Variants in ARRDC4 observed in about 807,000 individuals in gnomAD.
The protein encoded by ARRDC4 is arrestin domain-containing protein 4.
A neutral mutation model predicts 44.6 loss-of-function variants in ARRDC4; 40 were observed. The observed-to-expected ratio is 0.90, with a 90% confidence interval of 0.70 to 1.17. The LOEUF (loss-of-function observed/expected upper bound fraction) is 1.17, where lower values mean the gene tolerates loss of function less well. Ranked by LOEUF, ARRDC4 falls within the 50% of genes most tolerant of loss-of-function variation. The probability of loss-of-function intolerance (pLI) is 0.00; values close to 1 mark genes in which losing one functional copy is unlikely to be tolerated. For synonymous variants in ARRDC4, 211 were observed against 221.2 expected, an observed-to-expected ratio of 0.95 and a Z score of 0.41; for missense variants, 550 against 559.1, an observed-to-expected ratio of 0.98 and a Z score of 0.16.
rs749097485 is a variant in ARRDC4 at position 97,967,977 on chromosome 15, C to T, written c.523-37C>T. 2.1e-6 allele frequency: 3 copies of T among 1,400,284 alleles called. No individual in the cohort carries two copies. The highest frequency in any genetic ancestry group is 3.0e-6 in the Non-Finnish European group (3 of 1,007,340). The allele number at this position is 1,400,284 out of a possible 1,614,324, so 86.7% of individuals were successfully genotyped here. ...AAGTTCTATGAGTTCTCTAGAGTGGCTTAATTAAGGTTGTTTTATTGTTTG... is the reference window on the plus strand; with the variant it reads ...AAGTTCTATGAGTTCTCTAGAGTGGTTTAATTAAGGTTGTTTTATTGTTTG... On this transcript the variant is annotated intron_variant, in intron 3 of 7. Coordinates refer to ENST00000268042, the MANE Select transcript of ARRDC4 (RefSeq NM_183376.3). This position sits in a 1 kb window ranked among gnomAD's most constrained non-coding sequence, Gnocchi z 5.0.
At position 97,968,407 on chromosome 15, in the gene ARRDC4, G is replaced by C. The variant is rs1223578716; in HGVS notation, c.625+291G>C. Among the ~76,000 whole-genome samples, 2 of 152,128 alleles carry C rather than the reference G, an allele frequency of 1.3e-5. No individual in the cohort carries two copies. The highest frequency in any genetic ancestry group is 2.9e-5 in the Non-Finnish European group (2 of 68,004). ...AGCATCTGATTTTAATGTTGCAAAA[G>C]AATCTCCAGGGTTGTATTGCTAAAA... On this transcript the variant is annotated intron_variant, in intron 4 of 7. Transcript: ENST00000268042. This position sits in a 1 kb window ranked among gnomAD's most constrained non-coding sequence, Gnocchi z 5.4.
intron 1 of ARRDC4, among the ~76,000 whole-genome samples, chr15:97,962,457 C>T (rs1363545754): frequency 6.6e-6 from 1 of 152,170 alleles, no homozygotes; most frequent in Admixed American, 6.5e-5. Context: ...GTGAGACATA[C>T]ATTGATTTTT....
intron 1 of ARRDC4, among the ~76,000 whole-genome samples, chr15:97,963,734 A>T (rs1243658166): frequency 6.6e-6 from 1 of 152,206 alleles, no homozygotes; most frequent in African/African-American, 2.4e-5. Context: ...TTTGAGGATT[A>T]TCTGCGGTGC....
In ARRDC4 at chr15:97,960,738, A is replaced by C; in HGVS notation, c.-124A>C. 1.2e-6 allele frequency: 1 copy of C among 846,234 alleles called. No homozygotes were observed. The highest frequency in any genetic ancestry group is 1.6e-6 in the Non-Finnish European group (1 of 634,682). 52.4% of individuals were successfully genotyped at this position (846,234 alleles called of 1,614,324 possible). A position where few individuals can be genotyped will look rare whatever the true frequency, so the allele number is the denominator to read the frequency against. On this transcript the variant is annotated 5_prime_UTR_variant, in exon 1 of 8. Coordinates refer to ENST00000268042, the MANE Select transcript of ARRDC4 (RefSeq NM_183376.3). Reference sequence around the variant, plus strand: ...TCGGCGAGCCGGTGCCCCATCGGGTACCGCACGGCTGCCGCGGCGGCCTTA... The same window carrying C: ...TCGGCGAGCCGGTGCCCCATCGGGTCCCGCACGGCTGCCGCGGCGGCCTTA...
Position 97,960,881 on chromosome 15 carries a change from G to A in ARRDC4, c.20G>A (p.Cys7Tyr), listed in dbSNP as rs1164040295. Residue 7 changes from cysteine to tyrosine, a missense_variant, in exon 1 of 8, where the codon TGC becomes TAC. Physicochemically the swap from Cys to Tyr is radical, Grantham distance 194. Coordinates refer to ENST00000268042, the MANE Select transcript of ARRDC4 (RefSeq NM_183376.3). Reference sequence around the variant, plus strand: ...GGCGGGATGGGCGGGGAGGCTGGGTGCGCGGCGGCCGTGGGTGCCGAGGGC... The same window carrying A: ...GGCGGGATGGGCGGGGAGGCTGGGTACGCGGCGGCCGTGGGTGCCGAGGGC... MGGEAGCAAAVGAEGRV... is the reference protein window; with the variant it reads MGGEAGYAAAVGAEGRV... The A allele has an allele frequency of 1.4e-6, 2 of 1,389,754 alleles. No individual in the cohort carries two copies. The highest frequency in any genetic ancestry group is 1.6e-5 in the South Asian group (1 of 62,274). The allele number at this position is 1,389,754 out of a possible 1,614,324, so 86.1% of individuals were successfully genotyped here.
chr15:97,960,927 G>T lies in ARRDC4; in HGVS notation c.66G>T (p.Leu22=). 6.8e-7 allele frequency: 1 copy of T among 1,463,716 alleles called. No homozygotes were observed. Among genetic ancestry groups the T allele is most frequent in the Admixed American group, 2.4e-5 (1 of 41,614 alleles). 90.7% of individuals were successfully genotyped at this position (1,463,716 alleles called of 1,614,324 possible). A position where few individuals can be genotyped will look rare whatever the true frequency, so the allele number is the denominator to read the frequency against. The change falls in exon 1 of 8, where the codon CTG becomes CTT. Residue 22 remains leucine (L), a synonymous_variant. Coordinates refer to ENST00000268042, the MANE Select transcript of ARRDC4 (RefSeq NM_183376.3). ...GAEGRVKSLG[L]VFEDERKGCY... is the part of the protein sequence containing the mutation. ...AGGGCCGCGTGAAGAGCCTGGGTCT[G>T]GTGTTCGAGGACGAGCGCAAGGGCT...
chr15:97,965,993 G>A lies in ARRDC4; in HGVS notation c.473G>A (p.Arg158Gln), dbSNP rs768589029. 1.5e-5 allele frequency: 24 copies of A among 1,614,098 alleles called. No individual in the cohort carries two copies. The highest frequency in any genetic ancestry group is 1.8e-5 in the Non-Finnish European group (21 of 1,180,020). The change falls in exon 3 of 8, where the codon CGG (arginine) becomes CAG (glutamine). Residue 158 changes from arginine (R) to glutamine (Q), a missense_variant. Physicochemically the swap from Arg to Gln is conservative, Grantham distance 43 (BLOSUM62 1). Transcript: ENST00000268042. The surrounding 1 kb of genome is among the most constrained non-coding windows in gnomAD (Gnocchi z 5.1). The part of the protein sequence containing the change: ...RPKVPDQSVK[R>Q]ELQVVSHVDV... ...AAGGTACCTGATCAGAGTGTAAAGCGGGAACTCCAGGTTGTTAGTCATGTC... is the reference window on the plus strand; with the variant it reads ...AAGGTACCTGATCAGAGTGTAAAGCAGGAACTCCAGGTTGTTAGTCATGTC...
Position 97,960,746 on chromosome 15 carries a change from G to GCTGCCGCGGCGGCCTTACC in ARRDC4, c.-107_-89dup. 1.0e-6 allele frequency: 1 copy of GCTGCCGCGGCGGCCTTACC among 956,002 alleles called. No individual in the cohort carries two copies. The highest frequency in any genetic ancestry group is 1.4e-6 in the Non-Finnish European group (1 of 734,298). The allele number at this position is 956,002 out of a possible 1,614,324, so 59.2% of individuals were successfully genotyped here. Reference sequence around the variant, plus strand: ...CCGGTGCCCCATCGGGTACCGCACGGCTGCCGCGGCGGCCTTACCCTGCCG... The same window carrying GCTGCCGCGGCGGCCTTACC: ...CCGGTGCCCCATCGGGTACCGCACGGCTGCCGCGGCGGCCTTACCCTGCCGCGGCGGCCTTACCCTGCCG... On this transcript the variant is annotated 5_prime_UTR_variant, in exon 1 of 8. Transcript: ENST00000268042.
rs1596304059 is a variant in ARRDC4, at chr15:97,961,063, G to A, written c.202G>A (p.Gly68Ser). 1 of 1,432,558 alleles carries A rather than the reference G, an allele frequency of 7.0e-7. No individual in the cohort carries two copies. The allele number at this position is 1,432,558 out of a possible 1,614,324, so 88.7% of individuals were successfully genotyped here. Residue 68 changes from glycine (G) to serine (S), a missense_variant, in exon 1 of 8, where the codon GGC becomes AGC. Gly to Ser is a moderately conservative substitution (Grantham distance 56). Transcript: ENST00000268042. ...CCAGGGGCGCGCCACCGCCGCCTGG[G>A]GCCCGAGCACCTGCCCCCGCGCCTC... ...EAQGRATAAWGPSTCPRASAS... is the reference protein window; with the variant it reads ...EAQGRATAAWSPSTCPRASAS...
rs1275902096 is a variant in ARRDC4, at chr15:97,960,956, A to G, written c.95A>G (p.Tyr32Cys). The change falls in exon 1 of 8, where the codon TAT becomes TGT. Residue 32 changes from tyrosine to cysteine, a missense_variant. Coordinates refer to ENST00000268042, the MANE Select transcript of ARRDC4 (RefSeq NM_183376.3). ...LVFEDERKGC[Y>C]SSGETVAGHV... ...TTCGAGGACGAGCGCAAGGGCTGCT[A>G]TTCCAGCGGCGAGACAGTGGCCGGG... is the stretch of plus-strand genomic sequence containing the variant. 28 of 1,468,780 alleles carry G rather than the reference A, an allele frequency of 1.9e-5. No homozygotes were observed. The highest frequency in any genetic ancestry group is 2.4e-5 in the Non-Finnish European group (27 of 1,108,566). 91.0% of individuals were successfully genotyped at this position (1,468,780 alleles called of 1,614,324 possible). A position where few individuals can be genotyped will look rare whatever the true frequency, so the allele number is the denominator to read the frequency against.
At position 97,970,809 on chromosome 15, in the gene ARRDC4, C is replaced by T. The variant is rs1202952298; in HGVS notation, c.1200+66C>T. ...TTTCAAATAATCATTTTTTGTCATC[C>T]GTTCATTAGAGTGTCTGTTGCTGAC... On this transcript the variant is annotated intron_variant, in intron 7 of 7. Coordinates refer to ENST00000268042, the MANE Select transcript of ARRDC4 (RefSeq NM_183376.3). The surrounding 1 kb of genome is among the most constrained non-coding windows in gnomAD (Gnocchi z 4.2). 10 of 1,507,096 alleles carry T rather than the reference C, an allele frequency of 6.6e-6. No homozygotes were observed. Among genetic ancestry groups the T allele is most frequent in the East Asian group, 4.5e-5 (2 of 44,088 alleles). The allele number at this position is 1,507,096 out of a possible 1,614,324, so 93.4% of individuals were successfully genotyped here.
intron 1 of ARRDC4, among the ~76,000 whole-genome samples, chr15:97,963,669 C>A (rs775838632): frequency 6.6e-6 from 1 of 152,202 alleles, no homozygotes; most frequent in African/African-American, 2.4e-5. Context: ...GGTTCTAGCA[C>A]TCCATGGTCA....
In ARRDC4 at chr15:97,968,918, A is replaced by G. The variant is rs1020637413; in HGVS notation, c.626-205A>G. ...CAATATTGCTACTTTAGAAAAGTCA[A>G]TAATGCAATAATTAGAAAATAAGAT... On this transcript the variant is annotated intron_variant, in intron 4 of 7. Transcript: ENST00000268042. The surrounding 1 kb of genome is among the most constrained non-coding windows in gnomAD (Gnocchi z 5.4). Among the ~76,000 whole-genome samples the G allele has an allele frequency of 6.6e-6, 1 of 152,216 alleles. No homozygotes were observed. The highest frequency in any genetic ancestry group is 2.4e-5 in the African/African-American group (1 of 41,456).
Position 97,961,077 on chromosome 15 carries a change from C to T in ARRDC4, c.216C>T (p.Cys72=). The T allele has an allele frequency of 7.0e-7, 1 of 1,435,796 alleles. No individual in the cohort carries two copies. The highest frequency in any genetic ancestry group is 9.1e-7 in the Non-Finnish European group (1 of 1,100,490). 88.9% of individuals were successfully genotyped at this position (1,435,796 alleles called of 1,614,324 possible). A position where few individuals can be genotyped will look rare whatever the true frequency, so the allele number is the denominator to read the frequency against. Residue 72 remains cysteine, a synonymous_variant, in exon 1 of 8, where the codon TGC becomes TGT. Transcript: ENST00000268042. ...CCGCCGCCTGGGGCCCGAGCACCTG[C>T]CCCCGCGCCTCGGCCAGCACCGCGG... is the stretch of plus-strand genomic sequence containing the variant. ...RATAAWGPST[C]PRASASTAAL...
In ARRDC4 at chr15:97,968,984, A is replaced by G; in HGVS notation, c.626-139A>G. The stretch of plus-strand genomic sequence containing the variant: ...GTGAATTTTTATTTCTCTGGCTTGA[A>G]TTTACAATATGTTTTCCATCAAAGC... On this transcript the variant is annotated intron_variant, in intron 4 of 7. Transcript: ENST00000268042. The surrounding 1 kb of genome is among the most constrained non-coding windows in gnomAD (Gnocchi z 5.4). 1.1e-6 allele frequency: 1 copy of G among 919,728 alleles called. No individual in the cohort carries two copies. The highest frequency in any genetic ancestry group is 1.6e-6 in the Non-Finnish European group (1 of 616,480). 57.0% of individuals were successfully genotyped at this position (919,728 alleles called of 1,614,324 possible). A position where few individuals can be genotyped will look rare whatever the true frequency, so the allele number is the denominator to read the frequency against.
chr15:97,964,636 T>C (rs558577351), intron 1 of ARRDC4, among the ~76,000 whole-genome samples: 5 of 152,182 alleles, frequency 3.3e-5, no homozygotes, highest in African/African-American at 1.2e-4. Context: ...CTGCCTGAAA[T>C]AAAATGGAGC....
chr15:97,963,885 T>C (rs1399818707), intron 1 of ARRDC4, among the ~76,000 whole-genome samples: 1 of 152,230 alleles, frequency 6.6e-6, no homozygotes, highest in East Asian at 1.9e-4. Context: ...TGGGATTGCC[T>C]TGAGCCTTTC....
At position 97,970,889 on chromosome 15, in the gene ARRDC4, C is replaced by A; in HGVS notation, c.1200+146C>A. On this transcript the variant is annotated intron_variant, in intron 7 of 7. Transcript: ENST00000268042. The surrounding 1 kb of genome is among the most constrained non-coding windows in gnomAD (Gnocchi z 4.2). ...TGTTTATACAGTGGTAATAGATTAT[C>A]GCTGATTCATTTGCCAGATTTTTTT... 9.3e-7 allele frequency: 1 copy of A among 1,078,544 alleles called. No homozygotes were observed. Among genetic ancestry groups the A allele is most frequent in the Non-Finnish European group, 1.3e-6 (1 of 762,632 alleles). The allele number at this position is 1,078,544 out of a possible 1,614,324, so 66.8% of individuals were successfully genotyped here.
chr15:97,968,992 T>C lies in ARRDC4; in HGVS notation c.626-131T>C. On this transcript the variant is annotated intron_variant, in intron 4 of 7. Coordinates refer to ENST00000268042, the MANE Select transcript of ARRDC4 (RefSeq NM_183376.3). The surrounding 1 kb of genome is among the most constrained non-coding windows in gnomAD (Gnocchi z 5.4). ...TTATTTCTCTGGCTTGAATTTACAA[T>C]ATGTTTTCCATCAAAGCTTCTCAAT... is the stretch of plus-strand genomic sequence containing the variant. 1.0e-6 allele frequency: 1 copy of C among 959,026 alleles called. No individual in the cohort carries two copies. The highest frequency in any genetic ancestry group is 1.5e-6 in the Non-Finnish European group (1 of 648,584). 59.4% of individuals were successfully genotyped at this position (959,026 alleles called of 1,614,324 possible). A position where few individuals can be genotyped will look rare whatever the true frequency, so the allele number is the denominator to read the frequency against.
Sources: gnomAD v4.1 joint callset for allele counts (sites outside exome capture counted in the v4.1 genomes callset) on GRCh38, gnomAD v4.1.1 for gene constraint, Gnocchi (gnomAD v3.1) non-coding constraint, MANE v1.5 for transcripts, NCBI Gene and HGNC (gene_info 2026-07-23, HGNC 2026-07-21) for gene names.